Variants in PRKCB observed in about 807,000 individuals in gnomAD.
PRKCB encodes protein kinase C beta.
PRKCB carries 13 observed loss-of-function variants against 81.5 expected under a neutral mutation model. That is an observed-to-expected ratio of 0.16 (90% CI 0.10 to 0.25). The LOEUF (loss-of-function observed/expected upper bound fraction) is 0.25, where lower values mean the gene tolerates loss of function less well. PRKCB is among the 10% of genes least tolerant of loss of function. The pLI is 1.00. For missense variants in PRKCB, 509 were observed against 875.7 expected (o/e 0.58, Z 5.29); for synonymous variants, 335 against 321.4 (o/e 1.04, Z -0.45).
chr16:24,120,737 A>ATT lies in PRKCB; in HGVS notation c.919-3090_919-3089dup, dbSNP rs11404478. 6.7e-3 allele frequency among the ~76,000 whole-genome samples: 1,012 copies of ATT among 151,108 alleles called. 9 individuals are homozygous for ATT. Among genetic ancestry groups the ATT allele is most frequent in the African/African-American group, 0.023 (963 of 41,138 alleles). On this transcript the variant is annotated intron_variant, in intron 8 of 16. Transcript: ENST00000643927. ...TACACTGCAGACAACTGAGTCCATCATTTTTTTTTCTTTTAAGACAGGGTC... is the reference window on the plus strand; with the variant it reads ...TACACTGCAGACAACTGAGTCCATCATTTTTTTTTTTCTTTTAAGACAGGGTC...
At chr16:24,019,905 G>A (rs574568877) in intron 3 of PRKCB, among the ~76,000 whole-genome samples, 7 of 152,220 alleles carry the variant, frequency 4.6e-5, no homozygotes, top group African/African-American at 1.2e-4. Flanking sequence ...GACACTTAGC[G>A]TGTTTAAATC....
chr16:23,885,918 G>A (rs1386580074), intron 2 of PRKCB, among the ~76,000 whole-genome samples: 1 of 152,172 alleles, frequency 6.6e-6, no homozygotes, highest in Non-Finnish European at 1.5e-5. Context: ...TCGATATTGG[G>A]CGGCAGGAGG....
chr16:24,020,066 G>A (rs2141843872), intron 3 of PRKCB, among the ~76,000 whole-genome samples: 1 of 152,324 alleles, frequency 6.6e-6, no homozygotes, highest in Middle Eastern at 3.4e-3. Context: ...TGGATAGGTA[G>A]TGCCAAATTG....
At chr16:24,062,336 C>T (rs1247630711) in intron 5 of PRKCB, among the ~76,000 whole-genome samples, 1 of 152,176 alleles carries the variant, frequency 6.6e-6, no homozygotes, top group African/African-American at 2.4e-5. Flanking sequence ...GCAGGCTAGC[C>T]TTTGCCTGCT....
chr16:23,866,723 C>T (rs370786216), intron 2 of PRKCB, among the ~76,000 whole-genome samples: 1 of 152,190 alleles, frequency 6.6e-6, no homozygotes, highest in East Asian at 1.9e-4. Flanking sequence ...CTGGGGTATA[C>T]ACGATTCAGC....
At chr16:23,984,903 G>T (rs952805830) in intron 2 of PRKCB, among the ~76,000 whole-genome samples, 1 of 152,076 alleles carries the variant, frequency 6.6e-6, no homozygotes, top group Admixed American at 6.5e-5. Context: ...AAAAGGGAAA[G>T]TTAAACATGG....
chr16:23,928,573 G>A (rs1230306365), intron 2 of PRKCB, among the ~76,000 whole-genome samples: 1 of 152,148 alleles, frequency 6.6e-6, no homozygotes, highest in Non-Finnish European at 1.5e-5. Context: ...ATCCATCACA[G>A]ACAAGTGACT....
At chr16:24,067,358 G>A (rs1168458851) in intron 5 of PRKCB, among the ~76,000 whole-genome samples, 1 of 151,772 alleles carries the variant, frequency 6.6e-6, no homozygotes, top group East Asian at 2.0e-4. Flanking sequence ...GGAGTGCAGT[G>A]GTGCAATCAT....
At chr16:24,153,193 G>C (rs190498498) in intron 9 of PRKCB, among the ~76,000 whole-genome samples, 1 of 152,276 alleles carries the variant, frequency 6.6e-6, no homozygotes, top group Admixed American at 6.5e-5. Flanking sequence ...TGAGTCCTCT[G>C]TTGCATCCTC....
intron 2 of PRKCB, among the ~76,000 whole-genome samples, chr16:23,971,664 C>G (rs771254201): frequency 3.6e-4 from 55 of 152,186 alleles, no homozygotes; most frequent in Non-Finnish European, 5.4e-4. Flanking sequence ...GCCCATCTCT[C>G]AGGGTTTCCT....
In PRKCB at chr16:24,035,504, C is replaced by T. The variant is rs749465077; in HGVS notation, c.486C>T (p.Ile162=). The T allele has an allele frequency of 1.2e-6, 2 of 1,614,200 alleles. No individual in the cohort carries two copies. Among genetic ancestry groups the T allele is most frequent in the Non-Finnish European group, 1.7e-6 (2 of 1,180,026 alleles). Residue 162 remains isoleucine, a synonymous_variant, in exon 5 of 17, where the codon ATC becomes ATT. Coordinates refer to ENST00000643927, the MANE Select transcript of PRKCB (RefSeq NM_002738.7). ...ACCACACGGAGCGCCGCGGCCGCAT[C>T]TACATCCAGGCCCACATCGACAGGG... ...GTDHTERRGR[I]YIQAHIDRDV... is the part of the protein sequence containing the mutation.
chr16:23,849,706 A>G (rs1962440221), intron 2 of PRKCB, among the ~76,000 whole-genome samples: 1 of 152,122 alleles, frequency 6.6e-6, no homozygotes, highest in African/African-American at 2.4e-5. Flanking sequence ...AAAAACTATT[A>G]ATATTATTTT....
At chr16:24,211,762 G>C (rs1248742632) in intron 16 of PRKCB, among the ~76,000 whole-genome samples, 1 of 152,038 alleles carries the variant, frequency 6.6e-6, no homozygotes, top group Non-Finnish European at 1.5e-5. Context: ...ATTTCACCAT[G>C]TTGGCCAGGC....
chr16:23,934,340 A>G (rs1206265304), intron 2 of PRKCB, among the ~76,000 whole-genome samples: 1 of 140,648 alleles, frequency 7.1e-6, no homozygotes, highest in Non-Finnish European at 1.5e-5. Context: ...TTTTTTTGAC[A>G]TTAAAAGCTC....
At chr16:24,105,113 G>A (rs979604672) in intron 7 of PRKCB, among the ~76,000 whole-genome samples, 1 of 151,306 alleles carries the variant, frequency 6.6e-6, no homozygotes, top group Non-Finnish European at 1.5e-5. Context: ...CTGGAGTGCA[G>A]TGGCACGATC....
intron 2 of PRKCB, among the ~76,000 whole-genome samples, chr16:23,952,465 A>G (rs1449926837): frequency 6.6e-6 from 1 of 152,152 alleles, no homozygotes; most frequent in Admixed American, 6.5e-5. Flanking sequence ...GGCTGCATAG[A>G]GAGAGAGTTA....
intron 5 of PRKCB, among the ~76,000 whole-genome samples, chr16:24,041,996 A>G (rs1367810735): frequency 6.8e-6 from 1 of 146,372 alleles, no homozygotes; most frequent in African/African-American, 2.5e-5. Context: ...AAAAAAAAAA[A>G]AAAAAGAATT....
intron 2 of PRKCB, among the ~76,000 whole-genome samples, chr16:23,920,484 C>T (rs1184676624): frequency 6.6e-6 from 1 of 152,174 alleles, no homozygotes; most frequent in Non-Finnish European, 1.5e-5. Flanking sequence ...CTGAAGATAA[C>T]TTTCTTTAAA....
At chr16:23,909,160 A>C (rs1963613143) in intron 2 of PRKCB, among the ~76,000 whole-genome samples, 2 of 152,166 alleles carry the variant, frequency 1.3e-5, no homozygotes, top group South Asian at 4.1e-4. Flanking sequence ...GTTAGTAGAT[A>C]CCTTTCTGGG....
Sources: gnomAD v4.1 joint callset for allele counts (sites outside exome capture counted in the v4.1 genomes callset) on GRCh38, gnomAD v4.1.1 for gene constraint, MANE v1.5 for transcripts, NCBI Gene and HGNC (gene_info 2026-07-23, HGNC 2026-07-21) for gene names.